KLHL32: variants seen among roughly 807,000 people sequenced by gnomAD.
KLHL32 encodes kelch like family member 32.
A neutral mutation model predicts 64.8 loss-of-function variants in KLHL32; 35 were observed. The observed-to-expected ratio is 0.54, with a 90% CI of 0.41 to 0.72. The LOEUF (loss-of-function observed/expected upper bound fraction) is 0.72, where lower values mean the gene tolerates loss of function less well. KLHL32 is among the 30% of genes least tolerant of loss of function. The pLI, the probability that KLHL32 is intolerant of heterozygous loss-of-function variation, is 0.00. For synonymous variants in KLHL32, 259 were observed against 281.0 expected (o/e 0.92, Z 0.78); for missense variants, 589 against 768.5 (o/e 0.77, Z 2.76).
intron 4 of KLHL32, among the ~76,000 whole-genome samples, chr6:97,056,244 TA>T (rs1787899130): frequency 6.6e-6 from 1 of 151,910 alleles, no homozygotes; most frequent in Non-Finnish European, 1.5e-5. Context: ...TAGCTGGGAC[TA>T]CAGGCGCCCG....
At chr6:96,985,488 C>G (rs1407425153) in intron 3 of KLHL32, among the ~76,000 whole-genome samples, 2 of 152,186 alleles carry the variant, frequency 1.3e-5, no homozygotes, top group African/African-American at 4.8e-5. Flanking sequence ...GTTCCATTCT[C>G]TTCGTCACTT....
At chr6:96,936,718 G>A (rs1450419700) in intron 1 of KLHL32, among the ~76,000 whole-genome samples, 1 of 152,120 alleles carries the variant, frequency 6.6e-6, no homozygotes, top group Admixed American at 6.5e-5. Flanking sequence ...AAACCTGAAT[G>A]AGGCTATATT....
At chr6:96,980,821 C>T (rs1208647914) in intron 3 of KLHL32, among the ~76,000 whole-genome samples, 2 of 152,006 alleles carry the variant, frequency 1.3e-5, no homozygotes, top group Non-Finnish European at 2.9e-5. Flanking sequence ...GTATATTAGT[C>T]CGTTCTCATG....
At chr6:97,039,595 G>A (rs1784821023) in intron 3 of KLHL32, among the ~76,000 whole-genome samples, 1 of 144,374 alleles carries the variant, frequency 6.9e-6, no homozygotes, top group Admixed American at 6.8e-5. Flanking sequence ...GCTGAGGCAG[G>A]CGGATCACAA....
chr6:97,057,391 C>T (rs1788151986), intron 4 of KLHL32, among the ~76,000 whole-genome samples: 1 of 95,344 alleles, frequency 1.0e-5, no homozygotes, highest in Admixed American at 1.3e-4. Flanking sequence ...ACTGTGTTAG[C>T]CAGGATGGTC....
At chr6:96,903,247 A>T in the KLHL32 span, among the ~76,000 whole-genome samples, 11 of 151,680 alleles carry the variant, frequency 7.3e-5, no homozygotes, top group Non-Finnish European at 1.6e-4. Flanking sequence ...ACATTTTTTT[A>T]AATTGAAAGA....
At chr6:96,906,495 TA>T in the KLHL32 span, among the ~76,000 whole-genome samples, 1 of 152,144 alleles carries the variant, frequency 6.6e-6, no homozygotes, top group African/African-American at 2.4e-5. Flanking sequence ...GAGTGGAAAT[TA>T]GAGAGCCATA....
intron 6 of KLHL32, among the ~76,000 whole-genome samples, chr6:97,112,139 C>T (rs1797231770): frequency 6.6e-6 from 1 of 152,078 alleles, no homozygotes; most frequent in Non-Finnish European, 1.5e-5. Context: ...GAGGGTGGGG[C>T]CCTCAGTGGG....
intron 3 of KLHL32, among the ~76,000 whole-genome samples, chr6:97,028,860 G>T (rs1783113582): frequency 1.3e-5 from 2 of 152,204 alleles, no homozygotes; most frequent in African/African-American, 4.8e-5. Context: ...ATAAAACAAT[G>T]GACTTCTTTG....
At chr6:96,996,545 ATT>A (rs1285911278) in intron 3 of KLHL32, among the ~76,000 whole-genome samples, 2 of 152,148 alleles carry the variant, frequency 1.3e-5, no homozygotes, top group Non-Finnish European at 2.9e-5. Context: ...CATACCTACC[ATT>A]TTCTAGACAC....
intron 4 of KLHL32, among the ~76,000 whole-genome samples, chr6:97,044,473 TGTA>T (rs1452580520): frequency 6.6e-6 from 1 of 152,096 alleles, no homozygotes; most frequent in Admixed American, 6.5e-5. Flanking sequence ...TTTCTTTTCT[TGTA>T]GTGTCTTTGT....
chr6:96,922,869 C>T (rs940741874), upstream of KLHL32, among the ~76,000 whole-genome samples: 1 of 152,066 alleles, frequency 6.6e-6, no homozygotes, highest in African/African-American at 2.4e-5. Context: ...ATACTTAAGA[C>T]AAAATATAAA....
chr6:97,067,811 G>T (rs1582910671), intron 5 of KLHL32, among the ~76,000 whole-genome samples: 1 of 152,198 alleles, frequency 6.6e-6, no homozygotes, highest in Admixed American at 6.5e-5. Context: ...TCAAGGCCAG[G>T]CCTGTTCCTC....
At chr6:96,990,241 T>C (rs567650077) in intron 3 of KLHL32, among the ~76,000 whole-genome samples, 31 of 152,320 alleles carry the variant, frequency 2.0e-4, no homozygotes, top group African/African-American at 7.5e-4. Flanking sequence ...CAGTTACAAT[T>C]TGAGTACATT....
At chr6:97,122,047 T>C (rs1798424505) in intron 7 of KLHL32, among the ~76,000 whole-genome samples, 1 of 152,232 alleles carries the variant, frequency 6.6e-6, no homozygotes, top group Non-Finnish European at 1.5e-5. Flanking sequence ...GAGTGAATAT[T>C]ATTGAGATTA....
chr6:97,086,626 C>G (rs538809064), intron 6 of KLHL32, among the ~76,000 whole-genome samples: 1 of 152,282 alleles, frequency 6.6e-6, no homozygotes, highest in African/African-American at 2.4e-5. Flanking sequence ...ATATTCCACA[C>G]TGTCTTGATA....
At chr6:97,006,085 G>C (rs913949038) in intron 3 of KLHL32, among the ~76,000 whole-genome samples, 2 of 151,972 alleles carry the variant, frequency 1.3e-5, no homozygotes, top group Non-Finnish European at 2.9e-5. Flanking sequence ...TTCCCTCAAT[G>C]ATCTAATACT....
chr6:96,987,489 G>T (rs1040554926), intron 3 of KLHL32, among the ~76,000 whole-genome samples: 1 of 152,110 alleles, frequency 6.6e-6, no homozygotes, highest in Non-Finnish European at 1.5e-5. Flanking sequence ...CATGCTTATG[G>T]GTAGGAAGAA....
At position 97,132,821 on chromosome 6, in the gene KLHL32, A is replaced by G; in HGVS notation, c.1701+74A>G. ...GTTACATTTTGCAATGCTGCTACTG[A>G]AGAAAGAGATATTTATGTTTAGAAA... On this transcript the variant is annotated intron_variant, in intron 10 of 10. Coordinates refer to ENST00000369261, the MANE Select transcript of KLHL32 (RefSeq NM_052904.4). 4 of 1,006,798 alleles carry G rather than the reference A, an allele frequency of 4.0e-6. No homozygotes were observed. In the South Asian group the frequency reaches 5.8e-5, roughly 15 times the overall value. The allele number at this position is 1,006,798 out of a possible 1,614,324, so 62.4% of individuals were successfully genotyped here.
Sources: allele counts gnomAD v4.1 joint callset (sites outside exome capture counted in the v4.1 genomes callset), GRCh38; gene constraint gnomAD v4.1.1; transcripts MANE v1.5; gene names NCBI Gene and HGNC (gene_info 2026-07-23, HGNC 2026-07-21).